The following ST3GAL1 variants were observed in gnomAD, a reference collection of about 807,000 sequenced individuals.
The protein encoded by ST3GAL1 is ST3 beta-galactoside alpha-2,3-sialyltransferase 1, also known as CMP-N-acetylneuraminate-beta-galactosamide-alpha-2,3-sialyltransferase 1.
In ST3GAL1, 16 loss-of-function variants were observed where a neutral mutation model predicts 34.1. The observed-to-expected ratio is 0.47, with a 90% CI of 0.32 to 0.71. ST3GAL1 has a LOEUF of 0.71. ST3GAL1 is among the 30% of genes least tolerant of loss of function. The probability of loss-of-function intolerance (pLI) is 0.04; values close to 1 mark genes in which losing one functional copy is unlikely to be tolerated. For synonymous variants in ST3GAL1, 191 were observed against 184.7 expected, an observed-to-expected ratio of 1.03 and a Z score of -0.28; for missense variants, 353 against 447.4, an observed-to-expected ratio of 0.79 and a Z score of 1.90.
At position 133,541,096 on chromosome 8, in the gene ST3GAL1, C is replaced by CATATAT. The variant is rs780797700; in HGVS notation, c.-429+4672_-429+4677dup. 1.4e-3 allele frequency among the ~76,000 whole-genome samples: 51 copies of CATATAT among 37,188 alleles called. 2 individuals carry two copies. Among genetic ancestry groups the CATATAT allele is most frequent in the African/African-American group, 4.4e-3 (26 of 5,920 alleles). 24.4% of individuals were successfully genotyped at this position (37,188 alleles called of 152,430 possible). ...ATATATATAGACATATATATATAAA[C>CATATAT]ATATATATATATATATATATATATA... On this transcript the variant is annotated intron_variant, in intron 2 of 9. Transcript: ENST00000522652.
intron 2 of ST3GAL1, among the ~76,000 whole-genome samples, chr8:133,531,340 T>C (rs1818146877): frequency 6.6e-6 from 1 of 152,180 alleles, no homozygotes; most frequent in South Asian, 2.1e-4. Context: ...ATGTATGTGA[T>C]ATGTGTGTGT....
intron 2 of ST3GAL1, among the ~76,000 whole-genome samples, chr8:133,541,088 T>TAAAC (rs1818504601): frequency 2.1e-5 from 2 of 93,216 alleles, no homozygotes; most frequent in African/African-American, 4.8e-5. Context: ...TAGACATATA[T>TAAAC]ATATAAACAT....
intron 2 of ST3GAL1, among the ~76,000 whole-genome samples, chr8:133,517,520 T>G (rs1367365299): frequency 6.6e-6 from 1 of 152,142 alleles, no homozygotes; most frequent in Non-Finnish European, 1.5e-5. Flanking sequence ...TTGGCTAATT[T>G]TGTATTTTTA....
intron 2 of ST3GAL1, among the ~76,000 whole-genome samples, chr8:133,506,956 T>TA (rs139156074): frequency 5.4e-5 from 8 of 147,938 alleles, no homozygotes; most frequent in Non-Finnish European, 1.0e-4. Context: ...AATAAATAAA[T>TA]AATAAATAAA....
In ST3GAL1 at chr8:133,469,709, GC is replaced by G. The variant is rs1398609094; in HGVS notation, c.307-3620del. ...CTCTCCCTTAGAACAAGGCTGACAA[GC>G]GCTGACAAGGTGCAAAGTAAGACAC... On this transcript the variant is annotated intron_variant, in intron 5 of 9. Coordinates refer to ENST00000522652, the MANE Select transcript of ST3GAL1 (RefSeq NM_173344.3). This position sits in a 1 kb window ranked among gnomAD's most constrained non-coding sequence, Gnocchi z 4.3. Among the ~76,000 whole-genome samples the G allele has an allele frequency of 1.3e-5, 2 of 152,204 alleles. No individual in the cohort carries two copies. The highest frequency in any genetic ancestry group is 1.5e-5 in the Non-Finnish European group (1 of 68,044).
At chr8:133,538,574 C>T (rs546302576) in intron 2 of ST3GAL1, among the ~76,000 whole-genome samples, 1 of 152,296 alleles carries the variant, frequency 6.6e-6, no homozygotes, top group South Asian at 2.1e-4. Context: ...GAGTCTGTTA[C>T]AGCTGCCCAG....
At chr8:133,564,981 G>T (rs1819348024) in intron 1 of ST3GAL1, among the ~76,000 whole-genome samples, 1 of 152,174 alleles carries the variant, frequency 6.6e-6, no homozygotes, top group Non-Finnish European at 1.5e-5. Flanking sequence ...CTTTACTAGG[G>T]CTGATAAGAC....
At chr8:133,473,051 A>C (rs1816027880) in intron 5 of ST3GAL1, among the ~76,000 whole-genome samples, 1 of 151,806 alleles carries the variant, frequency 6.6e-6, no homozygotes, top group South Asian at 2.1e-4. Flanking sequence ...GGGACCTACA[A>C]ACTCTGCGAC....
chr8:133,505,513 T>A (rs1480552096), intron 2 of ST3GAL1, among the ~76,000 whole-genome samples: 1 of 152,222 alleles, frequency 6.6e-6, no homozygotes, highest in African/African-American at 2.4e-5. Context: ...AACGAGCTAA[T>A]TTGTTGGCTT....
intron 2 of ST3GAL1, among the ~76,000 whole-genome samples, chr8:133,525,785 A>C (rs966016288): frequency 2.6e-5 from 4 of 152,192 alleles, no homozygotes; most frequent in African/African-American, 9.7e-5. Context: ...ACCCAGGCTC[A>C]GTTTCAACTT....
chr8:133,460,531 A>G (rs2130913193), intron 9 of ST3GAL1, among the ~76,000 whole-genome samples: 1 of 152,320 alleles, frequency 6.6e-6, no homozygotes, highest in South Asian at 2.1e-4. Context: ...GGCCTTTCAC[A>G]TACATGACAA....
intron 2 of ST3GAL1, among the ~76,000 whole-genome samples, chr8:133,530,040 G>A (rs541663893): frequency 6.6e-5 from 10 of 152,178 alleles, no homozygotes; most frequent in Admixed American, 1.3e-4. Flanking sequence ...CGCAAGGAAC[G>A]TTTGCTTGTG....
chr8:133,558,740 G>C (rs1233321512), intron 1 of ST3GAL1, among the ~76,000 whole-genome samples: 3 of 152,144 alleles, frequency 2.0e-5, no homozygotes, highest in Non-Finnish European at 4.4e-5. Flanking sequence ...TCCACAGCCA[G>C]TATATTTTTT....
intron 7 of ST3GAL1, among the ~76,000 whole-genome samples, chr8:133,464,518 TAG>T (rs1815650941): frequency 6.6e-6 from 1 of 152,190 alleles, no homozygotes; most frequent in South Asian, 2.1e-4. Flanking sequence ...CCCCTTCCCA[TAG>T]AGTCTCCAGG....
rs368497595 is a variant in ST3GAL1 at position 133,461,999 on chromosome 8, G to A, written c.730-5C>T. 42 of 1,613,930 alleles carry A rather than the reference G, an allele frequency of 2.6e-5. No individual in the cohort carries two copies. The highest frequency in any genetic ancestry group is 2.5e-4 in the South Asian group (23 of 91,082). On this transcript the variant is annotated splice_region_variant and splice_polypyrimidine_tract_variant and intron_variant, in intron 8 of 9. Transcript: ENST00000522652. The surrounding 1 kb of genome is among the most constrained non-coding windows in gnomAD (Gnocchi z 4.7). ...GGCTGGGTGGTAGATCAGGATCTGCGGGGATGGGAAGACACGGCCCTTAGT... is the reference window on the plus strand; with the variant it reads ...GGCTGGGTGGTAGATCAGGATCTGCAGGGATGGGAAGACACGGCCCTTAGT...
chr8:133,567,281 A>G (rs1458523950), intron 1 of ST3GAL1: 1 of 152,246 alleles, frequency 6.6e-6, no homozygotes, highest in African/African-American at 2.4e-5. Flanking sequence ...AGGACCGAGT[A>G]GTCTTTCCTC....
At chr8:133,479,412 G>A (rs1217356743) in intron 3 of ST3GAL1, among the ~76,000 whole-genome samples, 1 of 152,176 alleles carries the variant, frequency 6.6e-6, no homozygotes, top group Non-Finnish European at 1.5e-5. Flanking sequence ...TCAAGACTAA[G>A]TTTTCTCTGG....
At chr8:133,564,687 C>T (rs1819340563) in intron 1 of ST3GAL1, among the ~76,000 whole-genome samples, 1 of 152,222 alleles carries the variant, frequency 6.6e-6, no homozygotes, top group African/African-American at 2.4e-5. Context: ...CTCACACCCA[C>T]ACCGCCCTGT....
At chr8:133,491,949 A>C in intron 3 of ST3GAL1, among the ~76,000 whole-genome samples, 1 of 152,112 alleles carries the variant, frequency 6.6e-6, no homozygotes. Flanking sequence ...AAGGAGGGAG[A>C]CCTTGCCCTC....
Sources: gnomAD v4.1 joint callset for allele counts (sites outside exome capture counted in the v4.1 genomes callset) on GRCh38, gnomAD v4.1.1 for gene constraint, Gnocchi (gnomAD v3.1) non-coding constraint, MANE v1.5 for transcripts, NCBI Gene and HGNC (gene_info 2026-07-23, HGNC 2026-07-21) for gene names.